Variants in WWOX observed in about 807,000 individuals in gnomAD.
WWOX encodes WW domain-containing oxidoreductase.
WWOX carries 69 observed loss-of-function variants against 46.2 expected under a neutral mutation model. The ratio of observed to expected loss-of-function variants is 1.49; its 90% CI spans 1.23 to 1.82. The LOEUF (loss-of-function observed/expected upper bound fraction) is 1.82, where lower values mean the gene tolerates loss of function less well. Among genes scored for constraint, WWOX ranks in the 40% most tolerant of loss-of-function variants. WWOX has a pLI of 0.00. For synonymous variants in WWOX, 359 were observed against 202.6 expected (o/e 1.77, Z -6.56); for missense variants, 919 against 542.6 (o/e 1.69, Z -6.89).
At chr16:78,123,419 T>C (rs554146899) in intron 4 of WWOX, 1 of 148,332 alleles carries the variant, frequency 6.7e-6, no homozygotes, top group East Asian at 2.0e-4. Flanking sequence ...ACCCTATGTT[T>C]TTTTCTTTGT....
chr16:78,642,145 A>G (rs2046733629), intron 8 of WWOX, among the ~76,000 whole-genome samples: 2 of 152,216 alleles, frequency 1.3e-5, no homozygotes, highest in South Asian at 4.1e-4. Context: ...AAGAAAATAT[A>G]TGGCACTTTT....
chr16:79,211,482 A>G (rs1020906934), intron 8 of WWOX, 126 bp from the exon 9 acceptor site: 1 of 1,231,306 alleles, frequency 8.1e-7, no homozygotes, highest in South Asian at 1.3e-5. Flanking sequence ...ACCCTTTGCT[A>G]TGCCAAGATC....
intron 5 of WWOX, among the ~76,000 whole-genome samples, chr16:78,181,433 C>T (rs893295158): frequency 1.3e-5 from 2 of 152,000 alleles, no homozygotes; most frequent in Admixed American, 6.6e-5. Flanking sequence ...TGGAAAAGCC[C>T]CTAAAGCGGC....
intron 8 of WWOX, among the ~76,000 whole-genome samples, chr16:78,979,036 C>T (rs745769778): frequency 6.6e-6 from 1 of 151,886 alleles, no homozygotes; most frequent in Non-Finnish European, 1.5e-5. Context: ...AGCATCTGCT[C>T]TCCTTTACGG....
intron 8 of WWOX, among the ~76,000 whole-genome samples, chr16:78,938,803 GGGCT>G (rs1458446233): frequency 1.3e-5 from 2 of 152,078 alleles, no homozygotes; most frequent in African/African-American, 4.8e-5. Context: ...TGATAGAGAG[GGGCT>G]GGCGAGGAGA....
intron 8 of WWOX, among the ~76,000 whole-genome samples, chr16:78,906,639 A>G (rs1028297803): frequency 6.6e-6 from 1 of 152,228 alleles, no homozygotes; most frequent in Admixed American, 6.5e-5. Context: ...AGCTTCAGTG[A>G]TGATAAAGGT....
rs114379741 is a variant in WWOX, at chr16:79,126,800, A to G, written c.1057-84808A>G. ...TACATAAATTTAGACTCCATGCAGA[A>G]TGACTGGATGTCCTATAGGACATGC... On this transcript the variant is annotated intron_variant, in intron 8 of 8. Coordinates refer to ENST00000566780, the MANE Select transcript of WWOX (RefSeq NM_016373.4). Among the ~76,000 whole-genome samples, 1,098 of 152,242 alleles carry G rather than the reference A, an allele frequency of 7.2e-3. 17 individuals carry two copies. The highest frequency in any genetic ancestry group is 0.025 in the African/African-American group (1,019 of 41,538).
chr16:78,391,900 C>T (rs2082181125), intron 6 of WWOX, among the ~76,000 whole-genome samples: 1 of 151,980 alleles, frequency 6.6e-6, no homozygotes, highest in South Asian at 2.1e-4. Flanking sequence ...TCTTTTGTGC[C>T]TCCTCTTTTC....
chr16:79,153,233 C>T (rs895885650), intron 8 of WWOX, among the ~76,000 whole-genome samples: 4 of 152,074 alleles, frequency 2.6e-5, no homozygotes, highest in Non-Finnish European at 4.4e-5. Context: ...CGAAAAGATT[C>T]CAGCACTAAA....
intron 8 of WWOX, among the ~76,000 whole-genome samples, chr16:78,821,609 T>G (rs529870179): frequency 1.2e-4 from 19 of 152,284 alleles, no homozygotes; most frequent in African/African-American, 4.6e-4. Context: ...CCCATATATG[T>G]GTCAATGTTT....
At chr16:78,947,878 A>G (rs576853432) in intron 8 of WWOX, among the ~76,000 whole-genome samples, 2 of 152,314 alleles carry the variant, frequency 1.3e-5, no homozygotes, top group Non-Finnish European at 2.9e-5. Flanking sequence ...CATCCTTCCA[A>G]CAGGTTCAGG....
At chr16:78,120,576 C>CAA (rs11433590) in intron 4 of WWOX, among the ~76,000 whole-genome samples, 134 of 84,390 alleles carry the variant, frequency 1.6e-3, no homozygotes, top group East Asian at 2.6e-3. Context: ...GACTCCGTCT[C>CAA]AAAAAAAAAA....
At chr16:78,562,897 A>G (rs942405917) in intron 8 of WWOX, among the ~76,000 whole-genome samples, 4 of 152,162 alleles carry the variant, frequency 2.6e-5, no homozygotes, top group Non-Finnish European at 4.4e-5. Flanking sequence ...GAGGTGACAC[A>G]TAGTCAGTTA....
chr16:78,355,828 T>A (rs1032517367), intron 5 of WWOX: 1 of 692,594 alleles, frequency 1.4e-6, no homozygotes, highest in Non-Finnish European at 2.5e-6. Flanking sequence ...CACTGAGAGT[T>A]GGCTGAAACA....
At chr16:78,609,706 G>C (rs543493416) in intron 8 of WWOX, among the ~76,000 whole-genome samples, 63 of 152,068 alleles carry the variant, frequency 4.1e-4, no homozygotes, top group Admixed American at 1.2e-3. Flanking sequence ...TGCCTTGTCA[G>C]TCTGGGCTAT....
At chr16:78,225,955 T>G (rs1235510833) in intron 5 of WWOX, among the ~76,000 whole-genome samples, 1 of 152,188 alleles carries the variant, frequency 6.6e-6, no homozygotes, top group Non-Finnish European at 1.5e-5. Flanking sequence ...TAAAAATAGT[T>G]CTAGTACTAA....
chr16:78,846,344 C>G (rs904627023), intron 8 of WWOX, among the ~76,000 whole-genome samples: 2 of 152,136 alleles, frequency 1.3e-5, no homozygotes, highest in African/African-American at 4.8e-5. Context: ...GGTGTGTCCT[C>G]TTCCTTCTTT....
intron 5 of WWOX, among the ~76,000 whole-genome samples, chr16:78,222,698 C>T (rs2151799245): frequency 1.3e-5 from 2 of 152,244 alleles, no homozygotes; most frequent in South Asian, 4.1e-4. Flanking sequence ...TGATGTTCAG[C>T]AGTTTATACC....
intron 8 of WWOX, among the ~76,000 whole-genome samples, chr16:78,789,499 T>C (rs972778755): frequency 3.3e-5 from 5 of 152,212 alleles, no homozygotes; most frequent in Non-Finnish European, 5.9e-5. Context: ...TTATATCCCA[T>C]TGATCTGTAT....
Sources: allele counts gnomAD v4.1 joint callset (sites outside exome capture counted in the v4.1 genomes callset), GRCh38; gene constraint gnomAD v4.1.1; transcripts MANE v1.5; gene names NCBI Gene and HGNC (gene_info 2026-07-23, HGNC 2026-07-21).